The following SLC24A2 variants were observed in gnomAD, a reference collection of about 807,000 sequenced individuals.
SLC24A2 encodes solute carrier family 24 member 2.
A neutral mutation model predicts 62.0 loss-of-function variants in SLC24A2; 36 were observed. The ratio of observed to expected loss-of-function variants is 0.58; its 90% CI spans 0.44 to 0.77. The LOEUF is 0.77. Ranked by LOEUF, SLC24A2 falls within the 30% of genes least tolerant of loss-of-function variation. The pLI, the probability that SLC24A2 is intolerant of heterozygous loss-of-function variation, is 0.00. For missense variants in SLC24A2, 846 were observed against 817.9 expected, an observed-to-expected ratio of 1.03 and a Z score of -0.42; for synonymous variants, 358 against 294.0, an observed-to-expected ratio of 1.22 and a Z score of -2.23.
chr9:20,112,939 GAC>G, the SLC24A2 span, among the ~76,000 whole-genome samples: 1 of 151,978 alleles, frequency 6.6e-6, no homozygotes, highest in Non-Finnish European at 1.5e-5. Context: ...TGTGGTGAGA[GAC>G]ACACGGTTAG....
At chr9:19,953,030 A>G in the SLC24A2 span, among the ~76,000 whole-genome samples, 2 of 151,976 alleles carry the variant, frequency 1.3e-5, no homozygotes, top group African/African-American at 4.8e-5. Context: ...CATTTCATCC[A>G]AGTTGCCAAT....
the SLC24A2 span, among the ~76,000 whole-genome samples, chr9:20,159,673 G>A: frequency 2.0e-3 from 303 of 151,444 alleles, 2 homozygotes; most frequent in South Asian, 6.2e-3. Flanking sequence ...GGAATAGGTG[G>A]ATGTCAGCAA....
the SLC24A2 span, among the ~76,000 whole-genome samples, chr9:20,179,812 G>A: frequency 6.6e-6 from 1 of 152,204 alleles, no homozygotes; most frequent in Admixed American, 6.5e-5. Flanking sequence ...GAGTGTGCTA[G>A]TATTACCTGA....
the SLC24A2 span, among the ~76,000 whole-genome samples, chr9:20,010,093 T>G: frequency 6.6e-6 from 1 of 152,298 alleles, no homozygotes; most frequent in South Asian, 2.1e-4. Context: ...CAGCCAGTGG[T>G]CTCGCTGAAT....
At chr9:20,001,863 T>G in the SLC24A2 span, among the ~76,000 whole-genome samples, 1 of 152,208 alleles carries the variant, frequency 6.6e-6, no homozygotes, top group Non-Finnish European at 1.5e-5. Context: ...TCTCCCAAAA[T>G]GTGTTTATTG....
the SLC24A2 span, among the ~76,000 whole-genome samples, chr9:20,119,448 T>A: frequency 2.0e-5 from 3 of 152,252 alleles, no homozygotes; most frequent in Admixed American, 2.0e-4. Flanking sequence ...GCAAAGTTGG[T>A]ATAACATTCA....
chr9:20,233,448 T>C, the SLC24A2 span, among the ~76,000 whole-genome samples: 22 of 152,336 alleles, frequency 1.4e-4, no homozygotes, highest in African/African-American at 5.1e-4. Context: ...AGTTAGCTCT[T>C]CTTGTTTAAT....
the SLC24A2 span, among the ~76,000 whole-genome samples, chr9:20,071,829 A>T: frequency 6.6e-6 from 1 of 152,130 alleles, no homozygotes; most frequent in Non-Finnish European, 1.5e-5. Context: ...AATAGTCTTC[A>T]AGTTGGGGTT....
the SLC24A2 span, among the ~76,000 whole-genome samples, chr9:20,079,772 A>G: frequency 1.3e-5 from 2 of 152,324 alleles, no homozygotes; most frequent in East Asian, 3.9e-4. Flanking sequence ...ATTTTTGCAC[A>G]TTGATTTTGT....
chr9:19,929,343 T>C, the SLC24A2 span: 3 of 152,228 alleles, frequency 2.0e-5, no homozygotes, highest in Non-Finnish European at 4.4e-5. Context: ...GGAATTTTAG[T>C]AGAGTCTGCT....
chr9:20,291,140 G>A, the SLC24A2 span, among the ~76,000 whole-genome samples: 2 of 152,034 alleles, frequency 1.3e-5, no homozygotes, highest in African/African-American at 4.8e-5. Context: ...AGAAGTAGGG[G>A]GACAAAATAA....
the SLC24A2 span, among the ~76,000 whole-genome samples, chr9:20,118,059 G>A: frequency 3.9e-5 from 6 of 152,176 alleles, no homozygotes; most frequent in African/African-American, 1.4e-4. Flanking sequence ...ATTATAGAAG[G>A]AATGTCTAGT....
At chr9:19,671,757 A>G (rs1020472483) in intron 2 of SLC24A2, among the ~76,000 whole-genome samples, 3 of 151,842 alleles carry the variant, frequency 2.0e-5, no homozygotes, top group Non-Finnish European at 4.4e-5. Flanking sequence ...GAGGCTTTTA[A>G]TCATAAATAG....
At chr9:19,972,874 C>G in the SLC24A2 span, among the ~76,000 whole-genome samples, 1 of 152,162 alleles carries the variant, frequency 6.6e-6, no homozygotes, top group East Asian at 1.9e-4. Context: ...GACTCAAACT[C>G]AAGTCTTAAT....
At chr9:19,516,488 T>C (rs751792540) in intron 10 of SLC24A2, 86 bp from the exon 11 acceptor site, 60 of 1,475,812 alleles carry the variant, frequency 4.1e-5, no homozygotes, top group Non-Finnish European at 5.5e-5. Flanking sequence ...TAACCTATTA[T>C]TACCTTCTCA....
the SLC24A2 span, among the ~76,000 whole-genome samples, chr9:19,898,756 A>G: frequency 6.6e-6 from 1 of 151,612 alleles, no homozygotes; most frequent in Admixed American, 6.6e-5. Flanking sequence ...AAAAAAAAAA[A>G]AAAAAAAAGA....
chr9:19,846,399 C>A, the SLC24A2 span, among the ~76,000 whole-genome samples: 1 of 152,140 alleles, frequency 6.6e-6, no homozygotes, highest in African/African-American at 2.4e-5. Flanking sequence ...TTAACTGATA[C>A]AATAATAAGG....
Position 19,515,438 on chromosome 9 carries a change from C to A in SLC24A2, c.*715G>T, listed in dbSNP as rs772877291. The stretch of plus-strand genomic sequence containing the variant: ...AGGCTCAACTCAGGGCCCCTACAGA[C>A]CTTCTCCACTAAGCCCTCCTCCCTG... On this transcript the variant is annotated 3_prime_UTR_variant, in exon 11 of 11. Transcript: ENST00000341998. 1 of 152,240 alleles carries A rather than the reference C, an allele frequency of 6.6e-6. No individual in the cohort carries two copies. Among genetic ancestry groups the A allele is most frequent in the East Asian group, 1.9e-4 (1 of 5,200 alleles). 9.4% of individuals were successfully genotyped at this position (152,240 alleles called of 1,614,324 possible).
the SLC24A2 span, among the ~76,000 whole-genome samples, chr9:19,798,739 ATTC>A: frequency 3.9e-5 from 6 of 152,132 alleles, no homozygotes; most frequent in Admixed American, 1.3e-4. Flanking sequence ...TGTATGAAGT[ATTC>A]TTCTTATCTT....
Sources: gnomAD v4.1 joint callset for allele counts (sites outside exome capture counted in the v4.1 genomes callset) on GRCh38, gnomAD v4.1.1 for gene constraint, MANE v1.5 for transcripts, NCBI Gene and HGNC (gene_info 2026-07-23, HGNC 2026-07-21) for gene names.